Variants in HSD17B13 observed in about 807,000 individuals in gnomAD.
HSD17B13 encodes 17-beta-hydroxysteroid dehydrogenase 13.
In HSD17B13, 26 loss-of-function variants were observed where a neutral mutation model predicts 31.1. That is an observed-to-expected ratio of 0.84 (90% CI 0.61 to 1.16). The LOEUF is 1.16. Among genes scored for constraint, HSD17B13 ranks in the 50% most tolerant of loss-of-function variants. HSD17B13 has a pLI of 0.00. For synonymous variants in HSD17B13, 141 were observed against 133.7 expected (o/e 1.05, Z -0.38); for missense variants, 374 against 366.5 (o/e 1.02, Z -0.17).
chr4:87,320,006 AC>A (rs1734745018), intron 1 of HSD17B13, among the ~76,000 whole-genome samples: 1 of 152,218 alleles, frequency 6.6e-6, no homozygotes, highest in Admixed American at 6.5e-5. Flanking sequence ...AGGCAAGGAT[AC>A]CTGAAAAGCC....
chr4:87,309,966 C>G (rs552605637), intron 6 of HSD17B13, among the ~76,000 whole-genome samples: 69 of 152,130 alleles, frequency 4.5e-4, no homozygotes, highest in South Asian at 1.5e-3. Flanking sequence ...TCGAGTCCAG[C>G]CTGGCCAACA....
intron 6 of HSD17B13, among the ~76,000 whole-genome samples, chr4:87,306,690 A>G (rs1578435589): frequency 6.6e-6 from 1 of 152,152 alleles, no homozygotes; most frequent in South Asian, 2.1e-4. Flanking sequence ...TCAGATCATG[A>G]GGTCAGGAGT....
Position 87,304,347 on chromosome 4 carries a change from A to T in HSD17B13, c.*871T>A, listed in dbSNP as rs1734339348. The T allele has an allele frequency of 6.4e-6, 1 of 155,584 alleles. No homozygotes were observed. The highest frequency in any genetic ancestry group is 2.4e-5 in the African/African-American group (1 of 41,550). 9.6% of individuals were successfully genotyped at this position (155,584 alleles called of 1,614,324 possible). A position where few individuals can be genotyped will look rare whatever the true frequency, so the allele number is the denominator to read the frequency against. ...ACAAAACAAAACAAAACAAAAACCAAAAAACCTTTCTTTCTTCCTTTTCTT... is the reference window on the plus strand; with the variant it reads ...ACAAAACAAAACAAAACAAAAACCATAAAACCTTTCTTTCTTCCTTTTCTT... On this transcript the variant is annotated 3_prime_UTR_variant, in exon 7 of 7. Transcript: ENST00000328546.
intron 3 of HSD17B13, among the ~76,000 whole-genome samples, chr4:87,315,845 C>T (rs1229322174): frequency 6.6e-6 from 1 of 152,090 alleles, no homozygotes; most frequent in Admixed American, 6.6e-5. Flanking sequence ...CAGAAGGAAT[C>T]AAATAGATCC....
rs1031375562 is a variant in HSD17B13, at chr4:87,304,814, T to C, written c.*404A>G. On this transcript the variant is annotated 3_prime_UTR_variant, in exon 7 of 7. Transcript: ENST00000328546. ...GCTGTGCACTCATTCTGTGTTCTTG[T>C]TGATATTCTGTGGCATGGCTACAGA... The C allele has an allele frequency of 3.3e-5, 5 of 153,494 alleles. No individual in the cohort carries two copies. The highest frequency in any genetic ancestry group is 9.6e-5 in the African/African-American group (4 of 41,498). The allele number at this position is 153,494 out of a possible 1,614,324, so 9.5% of individuals were successfully genotyped here. A position where few individuals can be genotyped will look rare whatever the true frequency, so the allele number is the denominator to read the frequency against.
chr4:87,315,819 T>G (rs1364039177), intron 3 of HSD17B13, among the ~76,000 whole-genome samples: 1 of 152,078 alleles, frequency 6.6e-6, no homozygotes, highest in East Asian at 1.9e-4. Flanking sequence ...ATCTCAGTAC[T>G]CCCCCTCCTT....
At chr4:87,318,159 G>A (rs1420528273) in intron 2 of HSD17B13, among the ~76,000 whole-genome samples, 170 bp downstream of exon 2, 2 of 152,136 alleles carry the variant, frequency 1.3e-5, no homozygotes, top group Non-Finnish European at 2.9e-5. Flanking sequence ...AGAGCTGAGT[G>A]GATTACATAC....
intron 5 of HSD17B13, 151 bp from the exon 6 acceptor site, chr4:87,310,510 C>T (rs1171890603): frequency 1.2e-6 from 1 of 857,872 alleles, no homozygotes; most frequent in Admixed American, 4.4e-5. Flanking sequence ...GCCACCCTAC[C>T]CACTTCCTCC....
intron 5 of HSD17B13, among the ~76,000 whole-genome samples, chr4:87,310,715 T>C (rs1290355572): frequency 6.6e-6 from 1 of 152,216 alleles, no homozygotes; most frequent in African/African-American, 2.4e-5. Context: ...TCTCAAAGCC[T>C]GTTGGATGCA....
rs1015403609 is a variant in HSD17B13 at position 87,318,528 on chromosome 4, G to C, written c.211-92C>G. ...AGACAATTAACATTCGGCTAGGCGC[G>C]GTGGCTCACGCCTGTAATCCCAGCA... is the stretch of plus-strand genomic sequence containing the variant. On this transcript the variant is annotated intron_variant, in intron 1 of 6. Transcript: ENST00000328546. 4 of 997,120 alleles carry C rather than the reference G, an allele frequency of 4.0e-6. No homozygotes were observed. The African/African-American group carries it at 6.4e-5, about 16-fold the overall frequency. The allele number at this position is 997,120 out of a possible 1,614,324, so 61.8% of individuals were successfully genotyped here. A position where few individuals can be genotyped will look rare whatever the true frequency, so the allele number is the denominator to read the frequency against.
intron 4 of HSD17B13, 94 bp from the exon 5 acceptor site, chr4:87,314,054 A>T: frequency 1.0e-6 from 1 of 985,958 alleles, no homozygotes; most frequent in South Asian, 2.8e-5. Context: ...CTTAAGAACA[A>T]GTGGAAGCCA....
chr4:87,306,235 GATATGAGTA>G (rs1734386083), intron 6 of HSD17B13, among the ~76,000 whole-genome samples: 1 of 152,130 alleles, frequency 6.6e-6, no homozygotes, highest in Admixed American at 6.5e-5. Context: ...TCTCTTATCT[GATATGAGTA>G]AAGATCTAAA....
chr4:87,310,125 A>G, intron 6 of HSD17B13, 118 bp downstream of exon 6: 2 of 1,298,238 alleles, frequency 1.5e-6, no homozygotes, highest in Non-Finnish European at 2.0e-6. Flanking sequence ...AGATCATGCC[A>G]CTGCAACCAC....
At chr4:87,311,343 C>T (rs1397400582) in intron 5 of HSD17B13, among the ~76,000 whole-genome samples, 1 of 152,160 alleles carries the variant, frequency 6.6e-6, no homozygotes, top group Non-Finnish European at 1.5e-5. Context: ...AATAAACTTG[C>T]TTTTGCTTTG....
chr4:87,317,157 G>A lies in HSD17B13; in HGVS notation c.385C>T (p.Leu129Phe). ...ATCTCTTCATCCTTGGTGCTGAGAA[G>A]ATCGGCTGGATATACTGTCCCAGCA... Reference protein sequence around the residue: ...NNAGTVYPADLLSTKDEEITK... With the variant: ...NNAGTVYPADFLSTKDEEITK... Residue 129 changes from leucine to phenylalanine, a missense_variant, in exon 3 of 7, where the codon CTT (leucine) becomes TTT (phenylalanine). Leu to Phe is a conservative substitution (Grantham distance 22). Coordinates refer to ENST00000328546, the MANE Select transcript of HSD17B13 (RefSeq NM_178135.5). The A allele has an allele frequency of 6.2e-7, 1 of 1,613,592 alleles. No individual in the cohort carries two copies.
At chr4:87,310,172 TAA>T (rs375641120) in intron 6 of HSD17B13, 69 bp downstream of exon 6, 2,758 of 1,076,600 alleles carry the variant, frequency 2.6e-3, no homozygotes, top group East Asian at 7.4e-3. Flanking sequence ...AGACTCTGTC[TAA>T]AAAAAAAAAA....
chr4:87,319,746 T>C (rs565449162), intron 1 of HSD17B13, among the ~76,000 whole-genome samples: 5 of 152,234 alleles, frequency 3.3e-5, no homozygotes, highest in Non-Finnish European at 7.3e-5. Context: ...GGCCACTGGA[T>C]GGATTTCTCA....
chr4:87,307,713 C>CTGGT (rs1465917888), intron 6 of HSD17B13, among the ~76,000 whole-genome samples: 2 of 152,066 alleles, frequency 1.3e-5, no homozygotes, highest in African/African-American at 4.8e-5. Context: ...GTTGGCCAGG[C>CTGGT]TGGTCTCGAA....
chr4:87,307,204 T>A (rs2110096826), intron 6 of HSD17B13, among the ~76,000 whole-genome samples: 1 of 152,084 alleles, frequency 6.6e-6, no homozygotes, highest in African/African-American at 2.4e-5. Context: ...ATTGTGTCTC[T>A]CTATAAAAGG....
Sources: gnomAD v4.1 joint callset for allele counts (sites outside exome capture counted in the v4.1 genomes callset) on GRCh38, gnomAD v4.1.1 for gene constraint, MANE v1.5 for transcripts, NCBI Gene and HGNC (gene_info 2026-07-23, HGNC 2026-07-21) for gene names.